Variants in NCALD observed in about 807,000 individuals in gnomAD.
NCALD encodes the protein neurocalcin-delta.
NCALD carries 10 observed loss-of-function variants against 18.6 expected under a neutral mutation model. That is an observed-to-expected ratio of 0.54 (90% confidence interval 0.33 to 0.91). The LOEUF (loss-of-function observed/expected upper bound fraction) is 0.91, where lower values mean the gene tolerates loss of function less well. NCALD is among the 40% of genes least tolerant of loss of function. The probability of loss-of-function intolerance (pLI) is 0.03; values close to 1 mark genes in which losing one functional copy is unlikely to be tolerated. For synonymous variants in NCALD, 88 were observed against 87.4 expected, an observed-to-expected ratio of 1.01 and a Z score of -0.04; for missense variants, 184 against 247.6, an observed-to-expected ratio of 0.74 and a Z score of 1.72.
chr8:101,949,913 G>A (rs1819323986), intron 2 of NCALD, among the ~76,000 whole-genome samples: 1 of 152,170 alleles, frequency 6.6e-6, no homozygotes, highest in Admixed American at 6.5e-5. Context: ...CAATCATCCA[G>A]ACTGAGAGGT....
intron 1 of NCALD, among the ~76,000 whole-genome samples, chr8:101,746,205 T>C (rs1268175971): frequency 6.6e-6 from 1 of 152,202 alleles, no homozygotes; most frequent in Non-Finnish European, 1.5e-5. Flanking sequence ...TGCTAAAACA[T>C]GCAATTAAGT....
chr8:101,738,570 A>G (rs112074100), intron 1 of NCALD, among the ~76,000 whole-genome samples: 40 of 147,192 alleles, frequency 2.7e-4, no homozygotes, highest in East Asian at 9.8e-4. Flanking sequence ...AAAAAAAAAA[A>G]AAGAAGAAGA....
rs964672634 is a variant in NCALD, at chr8:101,716,861, G to A, written c.378+2391C>T. Among the ~76,000 whole-genome samples, 6 of 152,224 alleles carry A rather than the reference G, an allele frequency of 3.9e-5. No individual in the cohort carries two copies. In the East Asian group the frequency reaches 1.2e-3, roughly 29 times the overall value. On this transcript the variant is annotated intron_variant, in intron 2 of 3. Transcript: ENST00000220931. The stretch of plus-strand genomic sequence containing the variant: ...AAATACACAGAGGATGGCAGCCTGA[G>A]AAGGACTCAATCTGCTGTTGCTGCC...
intron 2 of NCALD, among the ~76,000 whole-genome samples, chr8:101,995,598 G>A (rs780761911): frequency 6.6e-5 from 10 of 151,998 alleles, no homozygotes; most frequent in Admixed American, 2.0e-4. Context: ...GATCTCCTGC[G>A]AACTCAGAGC....
intron 2 of NCALD, among the ~76,000 whole-genome samples, chr8:101,932,623 A>T (rs1318656869): frequency 6.6e-6 from 1 of 151,836 alleles, no homozygotes; most frequent in Admixed American, 6.6e-5. Flanking sequence ...TACACGAGAG[A>T]AAAAAAAGAA....
In NCALD at chr8:101,778,880, GAAT is replaced by G. The variant is rs1353147763; in HGVS notation, c.-20+11979_-20+11981del. 9.2e-5 allele frequency among the ~76,000 whole-genome samples: 14 copies of G among 152,084 alleles called. No homozygotes were observed. In the East Asian group the frequency reaches 2.3e-3, roughly 25 times the overall value. ...CTTTGGATTTAAAAAACCTGAAGAG[GAAT>G]AATAATTTAAAAAATATCTGGACAC... On this transcript the variant is annotated intron_variant, in intron 1 of 3. Coordinates refer to ENST00000220931, the MANE Select transcript of NCALD (RefSeq NM_032041.3).
At chr8:101,994,087 A>AT (rs1225144485) in intron 2 of NCALD, among the ~76,000 whole-genome samples, 2 of 152,124 alleles carry the variant, frequency 1.3e-5, no homozygotes, top group Non-Finnish European at 2.9e-5. Context: ...TTTAGGCAGC[A>AT]TTTTTTCCTG....
At chr8:101,726,024 T>C (rs115189259) in intron 1 of NCALD, among the ~76,000 whole-genome samples, 62 of 152,070 alleles carry the variant, frequency 4.1e-4, no homozygotes, top group African/African-American at 1.4e-3. Context: ...GCCATGGAGA[T>C]AACTGTAAGA....
At chr8:101,860,881 C>T (rs765367362) in intron 4 of NCALD, among the ~76,000 whole-genome samples, 1 of 152,074 alleles carries the variant, frequency 6.6e-6, no homozygotes, top group Non-Finnish European at 1.5e-5. Context: ...GCTGTAATTG[C>T]CTGTACCGAC....
At chr8:101,727,588 C>A (rs1816628971) in intron 1 of NCALD, among the ~76,000 whole-genome samples, 1 of 152,220 alleles carries the variant, frequency 6.6e-6, no homozygotes, top group Non-Finnish European at 1.5e-5. Context: ...TCAAGGAATT[C>A]TCCTGCCTCA....
chr8:101,990,475 A>T (rs577901529), intron 2 of NCALD, among the ~76,000 whole-genome samples: 1 of 152,336 alleles, frequency 6.6e-6, no homozygotes, highest in Admixed American at 6.5e-5. Context: ...CTTGAATTGT[A>T]GCTCCCACAA....
At chr8:101,974,421 G>A in intron 2 of NCALD, among the ~76,000 whole-genome samples, 1 of 152,054 alleles carries the variant, frequency 6.6e-6, no homozygotes, top group East Asian at 1.9e-4. Context: ...CCCCTTCTAT[G>A]TGGAAATTCT....
chr8:101,761,199 A>G (rs1811094868), intron 1 of NCALD, among the ~76,000 whole-genome samples: 1 of 152,192 alleles, frequency 6.6e-6, no homozygotes, highest in African/African-American at 2.4e-5. Context: ...GGAATGTGGG[A>G]TGCCATGAAA....
chr8:101,847,404 C>T (rs1814913458), intron 4 of NCALD: 1 of 194,012 alleles, frequency 5.2e-6, no homozygotes, highest in Admixed American at 4.6e-5. Context: ...ATGATGCCTT[C>T]TAGAAGGGGT....
rs529231959 is a variant in NCALD, at chr8:101,689,218, T to C, written c.*91A>G. Reference sequence around the variant, plus strand: ...GCACAGGGGACGGCATCACCATTGATATTGTTTGGCAAAAAAAAAAAAAAA... The same window carrying C: ...GCACAGGGGACGGCATCACCATTGACATTGTTTGGCAAAAAAAAAAAAAAA... On this transcript the variant is annotated 3_prime_UTR_variant, in exon 4 of 4. Transcript: ENST00000220931. The surrounding 1 kb of genome is among the most constrained non-coding windows in gnomAD (Gnocchi z 4.4). 3.6e-5 allele frequency: 43 copies of C among 1,196,016 alleles called. No individual in the cohort carries two copies. Among genetic ancestry groups the C allele is most frequent in the Non-Finnish European group, 4.8e-5 (40 of 832,428 alleles). 74.1% of individuals were successfully genotyped at this position (1,196,016 alleles called of 1,614,324 possible).
At chr8:102,012,299 C>T (rs1195138483) in intron 2 of NCALD, among the ~76,000 whole-genome samples, 1 of 152,224 alleles carries the variant, frequency 6.6e-6, no homozygotes, top group Non-Finnish European at 1.5e-5. Flanking sequence ...TTGGACAGCA[C>T]ACGATGTCAT....
chr8:102,070,144 A>G (rs1034793259), intron 1 of NCALD: 2 of 152,134 alleles, frequency 1.3e-5, no homozygotes, highest in Admixed American at 6.6e-5. Flanking sequence ...TAATTATTTC[A>G]TAACAATTAT....
chr8:101,743,841 G>C (rs1810314585), intron 1 of NCALD, among the ~76,000 whole-genome samples: 1 of 152,194 alleles, frequency 6.6e-6, no homozygotes, highest in Non-Finnish European at 1.5e-5. Flanking sequence ...ATTGCTAAGG[G>C]AGCAAAGGAC....
chr8:101,932,493 G>A (rs1429847441), intron 2 of NCALD, among the ~76,000 whole-genome samples: 1 of 152,110 alleles, frequency 6.6e-6, no homozygotes, highest in Non-Finnish European at 1.5e-5. Flanking sequence ...CTGCTTCAGG[G>A]TGTGTGTCTT....
Sources: allele counts gnomAD v4.1 joint callset (sites outside exome capture counted in the v4.1 genomes callset), GRCh38; gene constraint gnomAD v4.1.1; non-coding constraint Gnocchi (gnomAD v3.1); transcripts MANE v1.5; gene names NCBI Gene and HGNC (gene_info 2026-07-23, HGNC 2026-07-21).